Variants in CUL4A observed in about 807,000 individuals in gnomAD.
CUL4A encodes the protein cullin 4A, also known as cullin-4A.
A neutral mutation model predicts 95.5 loss-of-function variants in CUL4A; 16 were observed. The ratio of observed to expected loss-of-function variants is 0.17; its 90% confidence interval spans 0.11 to 0.25. CUL4A has a LOEUF of 0.25. Ranked by LOEUF, CUL4A falls within the 10% of genes least tolerant of loss-of-function variation. CUL4A has a pLI of 1.00. For missense variants in CUL4A, 610 were observed against 937.0 expected (o/e 0.65, Z 4.56); for synonymous variants, 380 against 353.1 (o/e 1.08, Z -0.85).
rs148687638 is a variant in CUL4A at position 113,221,415 on chromosome 13, G to C, written c.368+2367G>C. 4.5e-3 allele frequency among the ~76,000 whole-genome samples: 691 copies of C among 152,326 alleles called. 5 individuals carry two copies. The highest frequency in any genetic ancestry group is 0.016 in the African/African-American group (666 of 41,576). The stretch of plus-strand genomic sequence containing the variant: ...GGTCGGCACATGTTTTTAAGTATCT[G>C]TCATGTGCTAGGTATGATGCCAGGC... On this transcript the variant is annotated intron_variant, in intron 3 of 19. Transcript: ENST00000375440.
upstream of CUL4A, among the ~76,000 whole-genome samples, chr13:113,209,292 GC>G (rs1419833409): frequency 6.8e-6 from 1 of 147,824 alleles, no homozygotes; most frequent in Non-Finnish European, 1.5e-5. Flanking sequence ...AGGAGGGGGT[GC>G]CCGGAGCCCT....
At chr13:113,263,230 C>T (rs1035487282) in intron 19 of CUL4A, among the ~76,000 whole-genome samples, 1 of 152,284 alleles carries the variant, frequency 6.6e-6, no homozygotes, top group East Asian at 1.9e-4. Flanking sequence ...ACGTTTCCCT[C>T]AGGAAACCAC....
At chr13:113,208,600 T>C (rs1032953956), upstream of CUL4A, 29 of 1,606,064 alleles carry the variant, frequency 1.8e-5, no homozygotes, top group Admixed American at 3.4e-5. Flanking sequence ...AGGACCCACC[T>C]GCTGCAGGTA....
chr13:113,226,855 T>C (rs548995941), intron 3 of CUL4A, among the ~76,000 whole-genome samples: 1 of 152,270 alleles, frequency 6.6e-6, no homozygotes, highest in African/African-American at 2.4e-5. Context: ...TGCCATCTCT[T>C]TTAATTTTTA....
Position 113,263,741 on chromosome 13 carries a change from A to C in CUL4A, c.*159A>C, listed in dbSNP as rs976761742. 4 of 464,576 alleles carry C rather than the reference A, an allele frequency of 8.6e-6. No homozygotes were observed. The highest frequency in any genetic ancestry group is 8.0e-5 in the African/African-American group (4 of 49,914). The allele number at this position is 464,576 out of a possible 1,614,324, so 28.8% of individuals were successfully genotyped here. ...TGGGTCATCTTTCACAAGGCTCAAG[A>C]CTTCAACCTGCAGATGTATCTTTTT... On this transcript the variant is annotated 3_prime_UTR_variant, in exon 20 of 20. Transcript: ENST00000375440.
Position 113,243,754 on chromosome 13 carries a change from G to GA in CUL4A, c.1228+601dup, listed in dbSNP as rs764592315. ...ATATTCCATTACAAAATGTTTAAAAGAAAAAAACTAACAAAAACAGCAACA... is the reference window on the plus strand; with the variant it reads ...ATATTCCATTACAAAATGTTTAAAAGAAAAAAAACTAACAAAAACAGCAACA... On this transcript the variant is annotated intron_variant, in intron 11 of 19. Coordinates refer to ENST00000375440, the MANE Select transcript of CUL4A (RefSeq NM_001008895.4). Among the ~76,000 whole-genome samples, 4 of 152,050 alleles carry GA rather than the reference G, an allele frequency of 2.6e-5. No homozygotes were observed. In the East Asian group the frequency reaches 7.7e-4, roughly 29 times the overall value.
Position 113,233,902 on chromosome 13 carries a change from TA to T in CUL4A, c.684del (p.Asp229IlefsTer5). The T allele has an allele frequency of 6.4e-7, 1 of 1,572,648 alleles. No homozygotes were observed. The highest frequency in any genetic ancestry group is 8.8e-7 in the Non-Finnish European group (1 of 1,142,710). ...LGMLSDLQVY[K>X]DSFELKFLEE... ...TAACTCTGCTTGTTTCTTAGGTGTA[TA>T]AAGATTCATTTGAACTGAAATTTTT... On this transcript the variant is annotated frameshift_variant, in exon 7 of 20. Coordinates refer to ENST00000375440, the MANE Select transcript of CUL4A (RefSeq NM_001008895.4). LOFTEE classifies it high-confidence loss of function.
At chr13:113,244,093 C>T (rs574374497) in intron 11 of CUL4A, 6 of 218,084 alleles carry the variant, frequency 2.8e-5, no homozygotes, top group Admixed American at 2.3e-4. Context: ...CTCCAGCGTC[C>T]GGGGCAGTCA....
chr13:113,254,376 A>C (rs1400684828), intron 16 of CUL4A, among the ~76,000 whole-genome samples: 1 of 152,188 alleles, frequency 6.6e-6, no homozygotes, highest in Non-Finnish European at 1.5e-5. Flanking sequence ...AGGTGGGTGG[A>C]TCACAAGGTC....
upstream of CUL4A, chr13:113,208,725 C>T: frequency 3.3e-6 from 5 of 1,500,630 alleles, no homozygotes; most frequent in East Asian, 2.6e-5. Context: ...TGGGTCCTGG[C>T]GCCCCCGGCC....
chr13:113,239,977 C>T (rs1306526712), intron 10 of CUL4A, among the ~76,000 whole-genome samples: 2 of 152,154 alleles, frequency 1.3e-5, no homozygotes, highest in African/African-American at 4.8e-5. Flanking sequence ...TATTTCTTAA[C>T]GGTCCAAATT....
intron 5 of CUL4A, among the ~76,000 whole-genome samples, chr13:113,232,449 C>T (rs1232660652): frequency 6.8e-6 from 1 of 146,118 alleles, no homozygotes; most frequent in Non-Finnish European, 1.5e-5. Context: ...CCACTCCTGC[C>T]CTGATGTGCC....
At chr13:113,229,647 A>G in intron 5 of CUL4A, 128 bp downstream of exon 5, 4 of 749,630 alleles carry the variant, frequency 5.3e-6, no homozygotes, top group Non-Finnish European at 8.8e-6. Context: ...TTCAGCCAAA[A>G]TCATTAACGT....
At chr13:113,225,230 C>T (rs1481420570) in intron 3 of CUL4A, among the ~76,000 whole-genome samples, 4 of 152,118 alleles carry the variant, frequency 2.6e-5, no homozygotes, top group African/African-American at 9.7e-5. Context: ...CTCGAGAATA[C>T]ACTATTGACA....
At chr13:113,222,170 T>C (rs1174627835) in intron 3 of CUL4A, among the ~76,000 whole-genome samples, 1 of 152,166 alleles carries the variant, frequency 6.6e-6, no homozygotes, top group Non-Finnish European at 1.5e-5. Context: ...GGAAGGTGGA[T>C]GCTGAATTGT....
chr13:113,260,693 G>A lies in CUL4A; in HGVS notation c.2118G>A (p.Met706Ile). The change falls in exon 19 of 20, where the codon ATG becomes ATA. Residue 706 changes from methionine to isoleucine, a missense_variant. This residue lies in a region of CUL4A where 28 missense variants were observed against 86.4 expected (regional missense o/e 0.32). Coordinates refer to ENST00000375440, the MANE Select transcript of CUL4A (RefSeq NM_001008895.4). ...IDAAIVRIMK[M>I]RKTLGHNLLV... is the part of the protein sequence containing the mutation. The stretch of plus-strand genomic sequence containing the variant: ...CTGCTATCGTCAGAATAATGAAGAT[G>A]AGAAAGACTCTTGGTCATAATCTTC... The A allele has an allele frequency of 1.2e-6, 2 of 1,610,742 alleles. No individual in the cohort carries two copies. Among genetic ancestry groups the A allele is most frequent in the Non-Finnish European group, 1.7e-6 (2 of 1,178,002 alleles).
At chr13:113,220,811 A>ACCCCCATGC (rs1196431806) in intron 3 of CUL4A, among the ~76,000 whole-genome samples, 2 of 151,940 alleles carry the variant, frequency 1.3e-5, no homozygotes, top group Non-Finnish European at 2.9e-5. Context: ...ATGGAAAGTG[A>ACCCCCATGC]CCCCCATGCC....
chr13:113,218,032 T>C (rs1166086221), intron 2 of CUL4A, among the ~76,000 whole-genome samples: 1 of 152,188 alleles, frequency 6.6e-6, no homozygotes, highest in Non-Finnish European at 1.5e-5. Flanking sequence ...AGGTCAGGCG[T>C]TTGAGACCGG....
intron 1 of CUL4A, 22 bp from the exon 2 acceptor site, chr13:113,209,951 C>T (rs1003371860): frequency 2.0e-6 from 3 of 1,479,650 alleles, no homozygotes; most frequent in African/African-American, 1.5e-5. Flanking sequence ...CCTGAGCCGC[C>T]CGCTCTCCCT....
Sources: allele counts gnomAD v4.1 joint callset (sites outside exome capture counted in the v4.1 genomes callset), GRCh38; gene constraint gnomAD v4.1.1; regional missense constraint gnomAD v4.1.1; transcripts MANE v1.5; gene names NCBI Gene and HGNC (gene_info 2026-07-23, HGNC 2026-07-21).